The following SLC8A3 variants were observed in gnomAD, a reference collection of about 807,000 sequenced individuals.
SLC8A3 encodes the protein solute carrier family 8 member A3.
In SLC8A3, 37 loss-of-function variants were observed where a neutral mutation model predicts 65.4. That is an observed-to-expected ratio of 0.57 (90% CI 0.44 to 0.74). The LOEUF is 0.74. Among genes scored for constraint, SLC8A3 ranks in the 30% least tolerant of loss-of-function variants. The pLI is 0.00. For synonymous variants in SLC8A3, 461 were observed against 444.5 expected, an observed-to-expected ratio of 1.04 and a Z score of -0.47; for missense variants, 1,112 against 1,172.1, an observed-to-expected ratio of 0.95 and a Z score of 0.75.
chr14:70,185,620 A>C (rs902016697), intron 1 of SLC8A3, among the ~76,000 whole-genome samples: 3 of 152,240 alleles, frequency 2.0e-5, no homozygotes, highest in Non-Finnish European at 4.4e-5. Flanking sequence ...TCAGAAGAGC[A>C]GGAACAGAGA....
intron 4 of SLC8A3, among the ~76,000 whole-genome samples, chr14:70,051,556 C>T (rs1243416230): frequency 6.6e-6 from 1 of 152,112 alleles, no homozygotes; most frequent in Non-Finnish European, 1.5e-5. Context: ...CCATCTCGGC[C>T]TCTCAAAGTG....
At chr14:70,088,667 C>G (rs923306181) in intron 2 of SLC8A3, among the ~76,000 whole-genome samples, 2 of 152,190 alleles carry the variant, frequency 1.3e-5, no homozygotes, top group Non-Finnish European at 2.9e-5. Context: ...CAAGTCTACA[C>G]CCTGAGCATT....
Position 70,045,366 on chromosome 14 carries a change from C to T in SLC8A3, c.*581G>A, listed in dbSNP as rs1290488160. 2 of 152,032 alleles carry T rather than the reference C, an allele frequency of 1.3e-5. No homozygotes were observed. The highest frequency in any genetic ancestry group is 6.5e-5 in the Admixed American group (1 of 15,268). The allele number at this position is 152,032 out of a possible 1,614,324, so 9.4% of individuals were successfully genotyped here. On this transcript the variant is annotated 3_prime_UTR_variant, in exon 7 of 7. Transcript: ENST00000356921. ...TCATGTTTCTCTCTGTTGGCTCGGA[C>T]CTGGAATTCCTTTGTGGCACCTTTT...
rs191223512 is a variant in SLC8A3 at position 70,092,007 on chromosome 14, C to A, written c.1785-31068G>T. On this transcript the variant is annotated intron_variant, in intron 2 of 6. Coordinates refer to ENST00000356921, the MANE Select transcript of SLC8A3 (RefSeq NM_182932.3). ...CTCACCACGTTACTTCCTATGCAAC[C>A]CTCACAGACTGTAAACTTTGTTTTT... Among the ~76,000 whole-genome samples the A allele has an allele frequency of 6.6e-4, 101 of 152,282 alleles. 1 individual carries two copies. The highest frequency in any genetic ancestry group is 5.8e-3 in the Admixed American group (89 of 15,300).
intron 2 of SLC8A3, among the ~76,000 whole-genome samples, chr14:70,109,471 AT>A (rs752830044): frequency 0.017 from 2,518 of 151,460 alleles, 81 homozygotes; most frequent in South Asian, 0.15. Flanking sequence ...ATATATATAT[AT>A]AAAACAGAGT....
At chr14:70,086,302 A>G (rs1355941886) in intron 2 of SLC8A3, among the ~76,000 whole-genome samples, 1 of 152,216 alleles carries the variant, frequency 6.6e-6, no homozygotes, top group East Asian at 1.9e-4. Context: ...CCGGGATTCC[A>G]GCCTAGCTTA....
chr14:70,109,212 A>G (rs1893097570), intron 2 of SLC8A3, among the ~76,000 whole-genome samples: 1 of 94,706 alleles, frequency 1.1e-5, no homozygotes, highest in South Asian at 2.7e-4. Context: ...TTTTTTTTTC[A>G]CTTTAAGTTC....
In SLC8A3 at chr14:70,085,347, T is replaced by G. The variant is rs977805970; in HGVS notation, c.1785-24408A>C. Among the ~76,000 whole-genome samples the G allele has an allele frequency of 5.3e-5, 8 of 152,196 alleles. 1 individual carries two copies. In the South Asian group the frequency reaches 1.7e-3, roughly 31 times the overall value. On this transcript the variant is annotated intron_variant, in intron 2 of 6. Coordinates refer to ENST00000356921, the MANE Select transcript of SLC8A3 (RefSeq NM_182932.3). ...ACTAAAAAAACACATACAATCAGAT[T>G]ATGATTTCTTTCCTTCTATGCATTC... is the stretch of plus-strand genomic sequence containing the variant.
Position 70,126,106 on chromosome 14 carries a change from C to A in SLC8A3, c.1784+40533G>T, listed in dbSNP as rs1278428785. ...AGTCCAGCTCTTACCTTGGGGGATC[C>A]AAAGCTTCATCAGATGCCCCAGAAT... On this transcript the variant is annotated intron_variant, in intron 2 of 6. Coordinates refer to ENST00000356921, the MANE Select transcript of SLC8A3 (RefSeq NM_182932.3). Among the ~76,000 whole-genome samples the A allele has an allele frequency of 2.0e-5, 3 of 152,166 alleles. No homozygotes were observed. In the East Asian group the frequency reaches 5.8e-4, roughly 29 times the overall value.
intron 2 of SLC8A3, chr14:70,063,747 A>G (rs1218766920): frequency 2.5e-6 from 2 of 796,958 alleles, no homozygotes; most frequent in Non-Finnish European, 4.3e-6. Flanking sequence ...GGAGGAGGAG[A>G]CAAATGGGTT....
chr14:70,112,170 G>A (rs1049249820), intron 2 of SLC8A3, among the ~76,000 whole-genome samples: 13 of 152,240 alleles, frequency 8.5e-5, no homozygotes, highest in Non-Finnish European at 1.5e-4. Flanking sequence ...GCCATTAGGC[G>A]AGAAGAATGG....
chr14:70,061,163 G>A (rs903502219), intron 2 of SLC8A3, among the ~76,000 whole-genome samples: 2 of 152,162 alleles, frequency 1.3e-5, no homozygotes, highest in Non-Finnish European at 2.9e-5. Context: ...GGGTGAGGGG[G>A]CAGGGAGCCA....
chr14:70,130,122 C>A (rs373928517), intron 2 of SLC8A3, among the ~76,000 whole-genome samples: 2 of 152,154 alleles, frequency 1.3e-5, no homozygotes, highest in African/African-American at 4.8e-5. Context: ...GTCAGACAAC[C>A]CAGAACAGCA....
chr14:70,178,107 T>C (rs1312871367), intron 1 of SLC8A3, among the ~76,000 whole-genome samples: 2 of 152,152 alleles, frequency 1.3e-5, no homozygotes, highest in African/African-American at 4.8e-5. Flanking sequence ...GGCCCCTTCC[T>C]CCACTGGCCC....
chr14:70,138,302 T>C (rs1251634669), intron 2 of SLC8A3, among the ~76,000 whole-genome samples: 2 of 152,200 alleles, frequency 1.3e-5, no homozygotes, highest in South Asian at 2.1e-4. Context: ...TTGTATCTTC[T>C]TTGTTCACTG....
intron 1 of SLC8A3, among the ~76,000 whole-genome samples, chr14:70,183,836 C>A (rs1486085385): frequency 6.6e-6 from 1 of 152,136 alleles, no homozygotes; most frequent in East Asian, 1.9e-4. Flanking sequence ...CTTCCTGTAC[C>A]CAGCTATCAC....
intron 2 of SLC8A3, among the ~76,000 whole-genome samples, chr14:70,156,358 T>G (rs115904404): frequency 2.0e-4 from 31 of 152,372 alleles, no homozygotes; most frequent in African/African-American, 7.0e-4. Context: ...TTCATTCTTA[T>G]GCATCTCAGT....
intron 2 of SLC8A3, among the ~76,000 whole-genome samples, chr14:70,123,177 G>A (rs1485469105): frequency 2.0e-5 from 3 of 151,628 alleles, no homozygotes; most frequent in African/African-American, 7.3e-5. Flanking sequence ...CCCGGGAGGT[G>A]GAGGTTGCAG....
At chr14:70,060,692 T>C (rs759790843) in intron 3 of SLC8A3, 144 bp downstream of exon 3, 10 of 759,870 alleles carry the variant, frequency 1.3e-5, no homozygotes, top group South Asian at 2.7e-5. Context: ...AAAAAATCCA[T>C]TGGTCAAAAA....
Sources: allele counts gnomAD v4.1 joint callset (sites outside exome capture counted in the v4.1 genomes callset), GRCh38; gene constraint gnomAD v4.1.1; transcripts MANE v1.5; gene names NCBI Gene and HGNC (gene_info 2026-07-23, HGNC 2026-07-21).